GRM8: variants seen among roughly 807,000 people sequenced by gnomAD.
GRM8 encodes the protein metabotropic glutamate receptor 8.
In GRM8, 47 loss-of-function variants were observed where a neutral mutation model predicts 87.2. The observed-to-expected ratio is 0.54, with a 90% CI of 0.43 to 0.69. The LOEUF is 0.69. GRM8 is among the 30% of genes least tolerant of loss of function. The pLI, the probability that GRM8 is intolerant of heterozygous loss-of-function variation, is 0.00. For synonymous variants in GRM8, 396 were observed against 404.5 expected (o/e 0.98, Z 0.25); for missense variants, 1,019 against 1,139.2 (o/e 0.89, Z 1.52).
chr7:126,942,937 C>T (rs1412365568), intron 3 of GRM8, among the ~76,000 whole-genome samples: 2 of 152,038 alleles, frequency 1.3e-5, no homozygotes, highest in Non-Finnish European at 2.9e-5. Flanking sequence ...GATACTGATA[C>T]CCAATACTGA....
At chr7:126,744,639 G>A (rs577067693) in intron 7 of GRM8, among the ~76,000 whole-genome samples, 7 of 151,966 alleles carry the variant, frequency 4.6e-5, no homozygotes, top group African/African-American at 1.7e-4. Context: ...TTATTGAACT[G>A]TCTCAGAAAA....
chr7:127,076,008 A>G (rs1822219297), intron 3 of GRM8: 2 of 375,694 alleles, frequency 5.3e-6, no homozygotes, highest in Non-Finnish European at 1.1e-5. Context: ...GCTGGCCAAT[A>G]TTAGGCTTTA....
At chr7:126,458,615 T>C (rs1015153213) in intron 9 of GRM8, among the ~76,000 whole-genome samples, 1 of 151,288 alleles carries the variant, frequency 6.6e-6, no homozygotes, top group African/African-American at 2.4e-5. Context: ...AATAAGTCAG[T>C]AATAAAATTA....
intron 6 of GRM8, among the ~76,000 whole-genome samples, chr7:126,798,517 G>C (rs529195860): frequency 6.6e-6 from 1 of 152,162 alleles, no homozygotes; most frequent in Non-Finnish European, 1.5e-5. Context: ...ACATATCTGA[G>C]ATAATGACAG....
chr7:126,661,355 G>T (rs1022547619), intron 7 of GRM8, among the ~76,000 whole-genome samples: 9 of 152,084 alleles, frequency 5.9e-5, no homozygotes, highest in African/African-American at 2.2e-4. Flanking sequence ...TCTTGTAAAT[G>T]ATCTTTATTG....
intron 7 of GRM8, among the ~76,000 whole-genome samples, chr7:126,671,792 C>T (rs566381136): frequency 4.6e-5 from 7 of 152,284 alleles, no homozygotes; most frequent in Admixed American, 1.3e-4. Flanking sequence ...TGTCATCCAC[C>T]GAAATCCCAG....
Position 126,533,049 on chromosome 7 carries a change from T to C in GRM8, c.2333A>G (p.Asn778Ser), listed in dbSNP as rs747931727. The change falls in exon 9 of 11, where the codon AAT becomes AGT. Residue 778 changes from asparagine to serine, a missense_variant. Transcript: ENST00000339582. ...GGTAAATCCAATAGGTTTGGCTTCATTGAAAGTCTCTGGGACACCTCTCGT... is the reference window on the plus strand; with the variant it reads ...GGTAAATCCAATAGGTTTGGCTTCACTGAAAGTCTCTGGGACACCTCTCGT... ...IKTRGVPETF[N>S]EAKPIGFTMY... 6.2e-6 allele frequency: 10 copies of C among 1,613,488 alleles called. No individual in the cohort carries two copies. The highest frequency in any genetic ancestry group is 1.1e-5 in the South Asian group (1 of 91,054).
intron 2 of GRM8, among the ~76,000 whole-genome samples, chr7:127,107,869 TC>T (rs1204536252): frequency 6.6e-6 from 1 of 152,170 alleles, no homozygotes; most frequent in East Asian, 1.9e-4. Context: ...ACAGTGAAGT[TC>T]CTAAAACGTA....
intron 8 of GRM8, among the ~76,000 whole-genome samples, chr7:126,540,638 T>A (rs1816425038): frequency 6.6e-6 from 1 of 152,152 alleles, no homozygotes; most frequent in South Asian, 2.1e-4. Context: ...ACAAAATGGA[T>A]GGACCTTGAA....
intron 9 of GRM8, among the ~76,000 whole-genome samples, chr7:126,486,362 CATGT>C (rs1244739923): frequency 6.6e-6 from 1 of 152,016 alleles, no homozygotes; most frequent in Non-Finnish European, 1.5e-5. Flanking sequence ...GTTCAGTATG[CATGT>C]GTCAGGACTC....
chr7:126,765,427 A>G (rs1022397397), intron 7 of GRM8, among the ~76,000 whole-genome samples: 5 of 152,128 alleles, frequency 3.3e-5, no homozygotes, highest in Non-Finnish European at 5.9e-5. Context: ...GTTACATACA[A>G]TCAAACAATT....
chr7:126,513,710 T>G (rs772064775), intron 9 of GRM8, among the ~76,000 whole-genome samples: 1 of 152,110 alleles, frequency 6.6e-6, no homozygotes, highest in African/African-American at 2.4e-5. Context: ...GTGAAACCTG[T>G]TTTTTAGGTT....
Position 126,788,409 on chromosome 7 carries a change from C to CAAAAAAAAAAAAAAAAAAAAAAAAAAAAA in GRM8, c.1157-18345_1157-18344insTTTTTTTTTTTTTTTTTTTTTTTTTTTTT, listed in dbSNP as rs67131936. ...TGGGTATCAGAGCAAGACTCCATCT[C>CAAAAAAAAAAAAAAAAAAAAAAAAAAAAA]AAAAAAAAAAAAAACCCTTTCAGAT... On this transcript the variant is annotated intron_variant, in intron 6 of 10. Coordinates refer to ENST00000339582, the MANE Select transcript of GRM8 (RefSeq NM_000845.3). Among the ~76,000 whole-genome samples the CAAAAAAAAAAAAAAAAAAAAAAAAAAAAA allele has an allele frequency of 3.7e-3, 40 of 10,784 alleles. 2 individuals carry two copies. Among genetic ancestry groups the CAAAAAAAAAAAAAAAAAAAAAAAAAAAAA allele is most frequent in the East Asian group, 8.6e-3 (3 of 348 alleles). 7.1% of individuals were successfully genotyped at this position (10,784 alleles called of 152,430 possible).
At chr7:127,139,279 C>T (rs1442501914) in intron 2 of GRM8, among the ~76,000 whole-genome samples, 1 of 152,180 alleles carries the variant, frequency 6.6e-6, no homozygotes, top group Non-Finnish European at 1.5e-5. Flanking sequence ...CCTCACATAC[C>T]TATTGAGGGC....
chr7:126,756,364 T>C (rs1460152285), intron 7 of GRM8, among the ~76,000 whole-genome samples: 1 of 152,106 alleles, frequency 6.6e-6, no homozygotes, highest in African/African-American at 2.4e-5. Flanking sequence ...GGTATGGGGA[T>C]GCTTTTTAGC....
At chr7:126,649,182 T>C (rs1036121193) in intron 7 of GRM8, among the ~76,000 whole-genome samples, 8 of 152,110 alleles carry the variant, frequency 5.3e-5, no homozygotes, top group African/African-American at 1.9e-4. Flanking sequence ...CTTGATTGGA[T>C]TGAAGGATGC....
intron 3 of GRM8, among the ~76,000 whole-genome samples, chr7:126,926,453 G>A (rs1563323149): frequency 6.6e-6 from 1 of 152,028 alleles, no homozygotes; most frequent in Non-Finnish European, 1.5e-5. Flanking sequence ...TCACTGCCAT[G>A]GCCTTAGTTC....
intron 6 of GRM8, among the ~76,000 whole-genome samples, chr7:126,837,753 C>A: frequency 6.6e-6 from 1 of 152,192 alleles, no homozygotes; most frequent in Non-Finnish European, 1.5e-5. Context: ...TTACTTCTGC[C>A]TGGATATTTT....
At chr7:126,875,840 T>A (rs1799485395) in intron 6 of GRM8, among the ~76,000 whole-genome samples, 1 of 152,140 alleles carries the variant, frequency 6.6e-6, no homozygotes. Flanking sequence ...TCACATTACC[T>A]TGAAAATAAC....
Sources: gnomAD v4.1 joint callset for allele counts (sites outside exome capture counted in the v4.1 genomes callset) on GRCh38, gnomAD v4.1.1 for gene constraint, MANE v1.5 for transcripts, NCBI Gene and HGNC (gene_info 2026-07-23, HGNC 2026-07-21) for gene names.